Variants in KMT5B observed in about 807,000 individuals in gnomAD.
The protein encoded by KMT5B is histone-lysine N-methyltransferase KMT5B.
A neutral mutation model predicts 83.2 loss-of-function variants in KMT5B; 10 were observed. The ratio of observed to expected loss-of-function variants is 0.12; its 90% CI spans 0.07 to 0.20. KMT5B has a LOEUF of 0.20. KMT5B is among the 10% of genes least tolerant of loss of function. The pLI, the probability that KMT5B is intolerant of heterozygous loss-of-function variation, is 1.00. For synonymous variants in KMT5B, 349 were observed against 388.8 expected (o/e 0.90, Z 1.20); for missense variants, 753 against 1,067.2 (o/e 0.71, Z 4.10).
At position 68,206,956 on chromosome 11, in the gene KMT5B, C is replaced by G. The variant is rs1277793856; in HGVS notation, c.-77+6182G>C. Among the ~76,000 whole-genome samples the G allele has an allele frequency of 3.3e-5, 5 of 152,078 alleles. No homozygotes were observed. The South Asian group carries it at 6.2e-4, about 19-fold the overall frequency. ...CAACACGCATGATTAAAAATCATGC[C>G]AAGCAGCAGGGCACAGTGGCTCACG... is the stretch of plus-strand genomic sequence containing the variant. On this transcript the variant is annotated intron_variant, in intron 1 of 10. Coordinates refer to ENST00000304363, the MANE Select transcript of KMT5B (RefSeq NM_017635.5).
At chr11:68,181,620 A>C (rs772840006) in intron 3 of KMT5B, among the ~76,000 whole-genome samples, 1 of 152,204 alleles carries the variant, frequency 6.6e-6, no homozygotes, top group Non-Finnish European at 1.5e-5. Flanking sequence ...CAATTTAAGA[A>C]GTATTTATTG....
At chr11:68,173,973 T>C (rs1301334129) in intron 5 of KMT5B, 60 bp from the exon 6 acceptor site, 19 of 1,209,980 alleles carry the variant, frequency 1.6e-5, no homozygotes, top group Admixed American at 5.4e-5. Flanking sequence ...TAGACTTTCT[T>C]ACAATTATAA....
At chr11:68,187,548 C>T (rs932432643) in intron 2 of KMT5B, among the ~76,000 whole-genome samples, 2 of 152,148 alleles carry the variant, frequency 1.3e-5, no homozygotes, top group African/African-American at 2.4e-5. Context: ...ACAGAACATA[C>T]CTTTTATGAT....
At chr11:68,196,476 A>C (rs1030070243) in intron 1 of KMT5B, among the ~76,000 whole-genome samples, 2 of 148,408 alleles carry the variant, frequency 1.3e-5, no homozygotes, top group South Asian at 4.4e-4. Context: ...AGTATAGCAC[A>C]CAGTACATCC....
chr11:68,193,800 C>CTT (rs35179552), intron 1 of KMT5B, among the ~76,000 whole-genome samples: 5 of 140,070 alleles, frequency 3.6e-5, no homozygotes, highest in East Asian at 4.1e-4. Flanking sequence ...CAGCAGTATA[C>CTT]TTTTTTTTTT....
chr11:68,210,208 T>C (rs901958080), intron 1 of KMT5B, among the ~76,000 whole-genome samples: 7 of 151,884 alleles, frequency 4.6e-5, no homozygotes, highest in Middle Eastern at 3.4e-3. Context: ...GAAATGCAAC[T>C]GGCATTGTAG....
At position 68,195,663 on chromosome 11, in the gene KMT5B, T is replaced by G. The variant is rs80084971; in HGVS notation, c.-76-5511A>C. Among the ~76,000 whole-genome samples the G allele has an allele frequency of 1.7e-3, 258 of 152,360 alleles. 2 individuals carry two copies. The highest frequency in any genetic ancestry group is 1.5e-3 in the Non-Finnish European group (102 of 68,032). On this transcript the variant is annotated intron_variant, in intron 1 of 10. Transcript: ENST00000304363. ...AAGACTGTAACTTTCCCTAAAATTA[T>G]AGCTCAGCATTCATAGTGCTCTAGG...
At chr11:68,201,686 G>A (rs969257646) in intron 1 of KMT5B, among the ~76,000 whole-genome samples, 2 of 152,078 alleles carry the variant, frequency 1.3e-5, no homozygotes, top group Non-Finnish European at 2.9e-5. Context: ...CAGTTGACAT[G>A]CTGAACTTGT....
intron 3 of KMT5B, among the ~76,000 whole-genome samples, chr11:68,181,811 G>C (rs1256017405): frequency 6.6e-6 from 1 of 152,158 alleles, no homozygotes; most frequent in African/African-American, 2.4e-5. Flanking sequence ...CATTAATAAA[G>C]TTTCTGTTCC....
intron 3 of KMT5B, among the ~76,000 whole-genome samples, chr11:68,183,299 G>A (rs190488680): frequency 3.3e-5 from 5 of 151,814 alleles, no homozygotes; most frequent in Non-Finnish European, 5.9e-5. Flanking sequence ...ATGAGCACTG[G>A]TCTCATGTTC....
chr11:68,210,706 T>C (rs146905695), intron 1 of KMT5B, among the ~76,000 whole-genome samples: 37 of 152,138 alleles, frequency 2.4e-4, no homozygotes, highest in Non-Finnish European at 4.1e-4. Flanking sequence ...TCCAGACACA[T>C]AATGGATCAC....
At chr11:68,164,064 G>A (rs953739330) in intron 10 of KMT5B, among the ~76,000 whole-genome samples, 179 of 152,266 alleles carry the variant, frequency 1.2e-3, no homozygotes, top group African/African-American at 4.1e-3. Flanking sequence ...CCCAGTCAGC[G>A]AGGCATAAGA....
rs1319362402 is a variant in KMT5B at position 68,156,626 on chromosome 11, T to C, written c.*1062A>G. 2 of 152,658 alleles carry C rather than the reference T, an allele frequency of 1.3e-5. No individual in the cohort carries two copies. Among genetic ancestry groups the C allele is most frequent in the Non-Finnish European group, 2.9e-5 (2 of 68,038 alleles). 9.5% of individuals were successfully genotyped at this position (152,658 alleles called of 1,614,324 possible). On this transcript the variant is annotated 3_prime_UTR_variant, in exon 11 of 11. Transcript: ENST00000304363. ...CCTGGTAAGTTCTTTTAATTTCTTA[T>C]GACAAAAATTTCTCACAACACACAA...
chr11:68,166,762 A>G, intron 10 of KMT5B: 1 of 1,385,670 alleles, frequency 7.2e-7, no homozygotes, highest in East Asian at 2.6e-5. Context: ...TTACCAAGGT[A>G]TTCAAGAAAA....
chr11:68,166,538 T>C, intron 10 of KMT5B: 1 of 1,005,920 alleles, frequency 9.9e-7, no homozygotes, highest in Non-Finnish European at 1.2e-6. Flanking sequence ...AATGAAAAGG[T>C]GGAAGCCTTA....
chr11:68,182,219 G>A (rs1857001735), intron 3 of KMT5B, among the ~76,000 whole-genome samples: 1 of 152,130 alleles, frequency 6.6e-6, no homozygotes, highest in Non-Finnish European at 1.5e-5. Flanking sequence ...GTGAGCCCTA[G>A]GAAACTCCTA....
At chr11:68,205,612 C>T (rs900977264) in intron 1 of KMT5B, among the ~76,000 whole-genome samples, 8 of 151,042 alleles carry the variant, frequency 5.3e-5, no homozygotes, top group African/African-American at 9.8e-5. Context: ...TATGATCAGA[C>T]ATTCGCAATT....
intron 1 of KMT5B, among the ~76,000 whole-genome samples, chr11:68,194,677 T>A (rs1262373678): frequency 6.6e-6 from 1 of 152,224 alleles, no homozygotes; most frequent in Non-Finnish European, 1.5e-5. Flanking sequence ...CCATTTTATA[T>A]CCCTTCCTCA....
chr11:68,170,829 A>C (rs1336418444), intron 9 of KMT5B, among the ~76,000 whole-genome samples, 186 bp downstream of exon 9: 1 of 152,162 alleles, frequency 6.6e-6, no homozygotes, highest in Non-Finnish European at 1.5e-5. Flanking sequence ...ATTGAGGGAC[A>C]TTCCAATGTC....
Sources: allele counts gnomAD v4.1 joint callset (sites outside exome capture counted in the v4.1 genomes callset), GRCh38; gene constraint gnomAD v4.1.1; transcripts MANE v1.5; gene names NCBI Gene and HGNC (gene_info 2026-07-23, HGNC 2026-07-21).